The following BST1 variants were observed in gnomAD, a reference collection of about 807,000 sequenced individuals.
BST1 encodes the protein bone marrow stromal cell antigen 1.
A neutral mutation model predicts 40.6 loss-of-function variants in BST1; 49 were observed. The ratio of observed to expected loss-of-function variants is 1.21; its 90% CI spans 0.96 to 1.53. BST1 has a LOEUF of 1.53. Among genes scored for constraint, BST1 ranks in the 40% most tolerant of loss-of-function variants. BST1 has a pLI of 0.00. For synonymous variants in BST1, 157 were observed against 159.3 expected (o/e 0.99, Z 0.11); for missense variants, 423 against 395.9 (o/e 1.07, Z -0.58).
At chr4:15,763,467 A>G in the BST1 span, among the ~76,000 whole-genome samples, 2 of 151,862 alleles carry the variant, frequency 1.3e-5, no homozygotes, top group Non-Finnish European at 2.9e-5. Context: ...TTATTTTTCA[A>G]AATTATATAT....
intron 1 of BST1, among the ~76,000 whole-genome samples, chr4:15,704,307 G>GAT: frequency 6.8e-6 from 1 of 146,818 alleles, no homozygotes; most frequent in Middle Eastern, 4.0e-3. Flanking sequence ...GGAGTTGAGG[G>GAT]GTGTGTGTTC....
Position 15,718,994 on chromosome 4 carries a change from G to T in BST1, c.791+1G>T. On this transcript the variant is annotated splice_donor_variant, in intron 7 of 8. Coordinates refer to ENST00000265016, the MANE Select transcript of BST1 (RefSeq NM_004334.3). LOFTEE classifies it high-confidence loss of function. ...AGTACAGCTGTATTAATGATTACCG[G>T]TAGGTGGCCTATATATCAATGTGCT... is the stretch of plus-strand genomic sequence containing the variant. 6.2e-7 allele frequency: 1 copy of T among 1,612,696 alleles called. No individual in the cohort carries two copies. The highest frequency in any genetic ancestry group is 8.5e-7 in the Non-Finnish European group (1 of 1,179,260).
chr4:15,704,859 C>G (rs535766783), intron 1 of BST1: 186 of 712,594 alleles, frequency 2.6e-4, no homozygotes, highest in Non-Finnish European at 4.3e-4. Flanking sequence ...CTGTGGCCCC[C>G]CTTTTCTTAT....
chr4:15,759,859 C>T, the BST1 span, among the ~76,000 whole-genome samples: 1 of 151,924 alleles, frequency 6.6e-6, no homozygotes, highest in South Asian at 2.1e-4. Flanking sequence ...ATCTTCATAT[C>T]AGAACCAGGA....
At chr4:15,708,616 C>G (rs200359322) in intron 3 of BST1, among the ~76,000 whole-genome samples, 4 of 152,076 alleles carry the variant, frequency 2.6e-5, no homozygotes, top group South Asian at 2.1e-4. Context: ...TGGTAGCTCA[C>G]GCTTGTAATC....
At position 15,705,504 on chromosome 4, in the gene BST1, C is replaced by A; in HGVS notation, c.189-11C>A. 1 of 1,561,392 alleles carries A rather than the reference C, an allele frequency of 6.4e-7. No individual in the cohort carries two copies. ...ATGTGTGTGTTCTTCCCAACTTGTA[C>A]TTTTGCACAGGAACAAGAACTGCAC... is the stretch of plus-strand genomic sequence containing the variant. On this transcript the variant is annotated splice_polypyrimidine_tract_variant and intron_variant, in intron 1 of 8. Transcript: ENST00000265016.
At chr4:15,766,681 A>G in the BST1 span, among the ~76,000 whole-genome samples, 47 of 150,210 alleles carry the variant, frequency 3.1e-4, 1 homozygote, top group African/African-American at 1.2e-3. Flanking sequence ...ATCAACGAGC[A>G]TGCTTTTCTG....
At chr4:15,726,711 G>A (rs1352935899) in intron 8 of BST1, among the ~76,000 whole-genome samples, 1 of 152,120 alleles carries the variant, frequency 6.6e-6, no homozygotes, top group Non-Finnish European at 1.5e-5. Flanking sequence ...TACAGAAACA[G>A]ACCATGTAAA....
At position 15,726,231 on chromosome 4, in the gene BST1, G is replaced by C. The variant is rs545040490; in HGVS notation, c.851+3297G>C. 4.0e-5 allele frequency among the ~76,000 whole-genome samples: 6 copies of C among 148,418 alleles called. No individual in the cohort carries two copies. The East Asian group carries it at 1.3e-3, about 31-fold the overall frequency. ...GCGCCTCCCACCTGTCAGAACATGAGCTCCAGGAGGTCAGGGACTTTGACC... is the reference window on the plus strand; with the variant it reads ...GCGCCTCCCACCTGTCAGAACATGACCTCCAGGAGGTCAGGGACTTTGACC... On this transcript the variant is annotated intron_variant, in intron 8 of 8. Coordinates refer to ENST00000265016, the MANE Select transcript of BST1 (RefSeq NM_004334.3).
At chr4:15,750,175 C>T in the BST1 span, among the ~76,000 whole-genome samples, 1 of 152,120 alleles carries the variant, frequency 6.6e-6, no homozygotes, top group Non-Finnish European at 1.5e-5. Context: ...CAGGTGCCCA[C>T]CACTATGCCC....
intron 7 of BST1, among the ~76,000 whole-genome samples, chr4:15,719,371 T>C (rs545057909): frequency 6.6e-6 from 1 of 152,260 alleles, no homozygotes; most frequent in Admixed American, 6.5e-5. Context: ...GGGAGCTTGT[T>C]TGAGGTATTT....
chr4:15,718,917 G>C lies in BST1; in HGVS notation c.715G>C (p.Gly239Arg). 1 of 1,613,796 alleles carries C rather than the reference G, an allele frequency of 6.2e-7. No homozygotes were observed. Among genetic ancestry groups the C allele is most frequent in the Non-Finnish European group, 8.5e-7 (1 of 1,179,820 alleles). ...EIGGPNVESC[G>R]EGSMKVLEKR... Reference sequence around the variant, plus strand: ...ATTTTCATGTTTTAGGGAATCCTGCGGGGAAGGCAGCATGAAAGTCCTGGA... The same window carrying C: ...ATTTTCATGTTTTAGGGAATCCTGCCGGGAAGGCAGCATGAAAGTCCTGGA... Residue 239 changes from glycine to arginine, a missense_variant, in exon 7 of 9, where the codon GGG (glycine) becomes CGG (arginine). Coordinates refer to ENST00000265016, the MANE Select transcript of BST1 (RefSeq NM_004334.3).
chr4:15,737,830 A>G (rs1207980667), exon 7 of BST1: 7 of 1,285,636 alleles, frequency 5.4e-6, no homozygotes, highest in Non-Finnish European at 7.1e-6. Flanking sequence ...ACTGTCAGAG[A>G]GTCCAAAGAT....
chr4:15,754,084 G>A, the BST1 span, among the ~76,000 whole-genome samples: 1 of 152,162 alleles, frequency 6.6e-6, no homozygotes, highest in African/African-American at 2.4e-5. Flanking sequence ...CAAGTGGGGG[G>A]GTGTGAGGCC....
At chr4:15,707,751 C>T in intron 3 of BST1, 105 bp downstream of exon 3, 3 of 1,381,628 alleles carry the variant, frequency 2.2e-6, no homozygotes, top group Non-Finnish European at 3.0e-6. Flanking sequence ...TTGATCCTCT[C>T]CAAGTCCTCT....
At chr4:15,736,527 T>C (rs1181034408), downstream of BST1, among the ~76,000 whole-genome samples, 8 of 151,904 alleles carry the variant, frequency 5.3e-5, no homozygotes, top group African/African-American at 1.9e-4. Flanking sequence ...GGAGAACTGC[T>C]TGAACCAAGG....
At chr4:15,719,073 A>C in intron 7 of BST1, 80 bp downstream of exon 7, 1 of 1,254,612 alleles carries the variant, frequency 8.0e-7, no homozygotes, top group Admixed American at 2.0e-5. Flanking sequence ...AAGGGTATTG[A>C]TGGCTCTCAG....
At chr4:15,706,797 G>A (rs1034217867) in intron 2 of BST1, among the ~76,000 whole-genome samples, 8 of 152,090 alleles carry the variant, frequency 5.3e-5, no homozygotes, top group Non-Finnish European at 7.3e-5. Flanking sequence ...TCATAGATTC[G>A]GTGCTAGTTG....
chr4:15,737,443 G>A (rs1406597587), downstream of BST1, among the ~76,000 whole-genome samples: 3 of 152,242 alleles, frequency 2.0e-5, no homozygotes, highest in Middle Eastern at 6.8e-3. Flanking sequence ...TCTTGGCCTC[G>A]GTTCCTCCAT....
Sources: gnomAD v4.1 joint callset for allele counts (sites outside exome capture counted in the v4.1 genomes callset) on GRCh38, gnomAD v4.1.1 for gene constraint, MANE v1.5 for transcripts, NCBI Gene and HGNC (gene_info 2026-07-23, HGNC 2026-07-21) for gene names.